The following MLLT1 variants were observed in gnomAD, a reference collection of about 807,000 sequenced individuals.
MLLT1 encodes MLLT1 super elongation complex subunit, also known as protein ENL.
In MLLT1, 11 loss-of-function variants were observed where a neutral mutation model predicts 55.1. The observed-to-expected ratio is 0.20, with a 90% CI of 0.13 to 0.33. The LOEUF (loss-of-function observed/expected upper bound fraction) is 0.33. Ranked by LOEUF, MLLT1 falls within the 10% of genes least tolerant of loss-of-function variation. The probability of loss-of-function intolerance (pLI) is 1.00; values close to 1 mark genes in which losing one functional copy is unlikely to be tolerated. For synonymous variants in MLLT1, 323 were observed against 320.1 expected, an observed-to-expected ratio of 1.01 and a Z score of -0.10; for missense variants, 536 against 760.6, an observed-to-expected ratio of 0.70 and a Z score of 3.47.
intron 3 of MLLT1, chr19:6,259,016 A>ATGGGGTTT (rs2091281297): frequency 6.6e-6 from 1 of 152,134 alleles, no homozygotes; most frequent in Non-Finnish European, 1.5e-5. Context: ...GCAGCCAGAA[A>ATGGGGTTT]CCCCATCTTA....
intron 3 of MLLT1, among the ~76,000 whole-genome samples, chr19:6,242,123 G>A (rs560654746): frequency 6.6e-6 from 1 of 152,204 alleles, no homozygotes; most frequent in Non-Finnish European, 1.5e-5. Flanking sequence ...CAGCCTCCCT[G>A]CCTCAAGACC....
chr19:6,258,125 C>T (rs1267661636), intron 3 of MLLT1, among the ~76,000 whole-genome samples: 2 of 152,150 alleles, frequency 1.3e-5, no homozygotes, highest in African/African-American at 4.8e-5. Context: ...CCTGCAATTC[C>T]ATTCCTAGGT....
intron 10 of MLLT1, 42 bp downstream of exon 10, chr19:6,213,683 AC>A: frequency 5.5e-6 from 2 of 364,934 alleles, no homozygotes; most frequent in Non-Finnish European, 9.8e-6. Context: ...CCCACCACCC[AC>A]CCCTCCGTAG....
intron 7 of MLLT1, 170 bp from the exon 8 acceptor site, chr19:6,216,683 C>A: frequency 1.7e-6 from 1 of 577,134 alleles, no homozygotes; most frequent in Non-Finnish European, 3.1e-6. Context: ...TGCCCCCACA[C>A]CGGCAGCCAC....
intron 3 of MLLT1, among the ~76,000 whole-genome samples, chr19:6,260,994 T>C (rs776035012): frequency 5.9e-5 from 9 of 152,220 alleles, no homozygotes; most frequent in Non-Finnish European, 8.8e-5. Flanking sequence ...GCCTGGGCTG[T>C]GGAGCACCTT....
intron 6 of MLLT1, among the ~76,000 whole-genome samples, chr19:6,221,630 G>C (rs1252270104): frequency 1.3e-5 from 2 of 152,226 alleles, no homozygotes; most frequent in African/African-American, 4.8e-5. Flanking sequence ...GCCGGGCACG[G>C]ACCTGTTGCT....
chr19:6,240,666 G>A lies in MLLT1; in HGVS notation c.277-9953C>T, dbSNP rs938898949. ...TCTCAGATTCAAAAGCGCTGTGGGG[G>A]TGATGTCAGACGCACAGGGAGAGAC... is the stretch of plus-strand genomic sequence containing the variant. On this transcript the variant is annotated intron_variant, in intron 3 of 11. Transcript: ENST00000252674. This position sits in a 1 kb window ranked among gnomAD's most constrained non-coding sequence, Gnocchi z 4.7. Among the ~76,000 whole-genome samples the A allele has an allele frequency of 6.6e-6, 1 of 152,124 alleles. No homozygotes were observed. The highest frequency in any genetic ancestry group is 1.5e-5 in the Non-Finnish European group (1 of 68,014).
chr19:6,252,364 C>T lies in MLLT1; in HGVS notation c.276+9864G>A, dbSNP rs529080464. 7.9e-5 allele frequency among the ~76,000 whole-genome samples: 12 copies of T among 152,300 alleles called. No homozygotes were observed. In the East Asian group the frequency reaches 1.5e-3, roughly 20 times the overall value. On this transcript the variant is annotated intron_variant, in intron 3 of 11. Transcript: ENST00000252674. ...GCAGGTGGCCTGTCACGGGACTTCT[C>T]GGCCTCCACAATCACGTGAGCCTAT...
Position 6,222,412 on chromosome 19 carries a change from T to TGGGGGC in MLLT1, c.813_818dup (p.Pro279_Pro280dup), listed in dbSNP as rs1568277534. 6.5e-5 allele frequency: 13 copies of TGGGGGC among 199,840 alleles called. No homozygotes were observed. The highest frequency in any genetic ancestry group is 9.5e-5 in the Non-Finnish European group (13 of 136,154). The allele number at this position is 199,840 out of a possible 1,614,324, so 12.4% of individuals were successfully genotyped here. ...CCCGGGGTGGGGGTGGGGGTGGGGG[T>TGGGGGC]GGGGGCCCACCCTTGGGGGACGTGC... On this transcript the variant is annotated inframe_insertion, in exon 6 of 12. Coordinates refer to ENST00000252674, the MANE Select transcript of MLLT1 (RefSeq NM_005934.4). This position sits in a 1 kb window ranked among gnomAD's most constrained non-coding sequence, Gnocchi z 4.1.
chr19:6,213,926 GC>G lies in MLLT1; in HGVS notation c.1407+12del. ...CCTCTGGTGCACCCCCTGCCTGCAG[GC>G]CCCAGGCTCACCTTGCTGTTGGGCG... On this transcript the variant is annotated intron_variant, in intron 9 of 11. Transcript: ENST00000252674. 1 of 1,452,340 alleles carries G rather than the reference GC, an allele frequency of 6.9e-7. No homozygotes were observed. The highest frequency in any genetic ancestry group is 9.2e-7 in the Non-Finnish European group (1 of 1,085,044). 90.0% of individuals were successfully genotyped at this position (1,452,340 alleles called of 1,614,324 possible). A position where few individuals can be genotyped will look rare whatever the true frequency, so the allele number is the denominator to read the frequency against.
chr19:6,228,276 C>T (rs570045147), intron 4 of MLLT1, among the ~76,000 whole-genome samples: 13 of 152,340 alleles, frequency 8.5e-5, no homozygotes, highest in African/African-American at 2.4e-4. Context: ...GAGCCCCATT[C>T]GCTCTCAGGC....
chr19:6,246,867 G>A (rs999716693), intron 3 of MLLT1, among the ~76,000 whole-genome samples: 11 of 152,188 alleles, frequency 7.2e-5, no homozygotes, highest in African/African-American at 2.7e-4. Flanking sequence ...CCAGGGAAAG[G>A]GCTGCCACAA....
At position 6,222,069 on chromosome 19, in the gene MLLT1, G is replaced by A; in HGVS notation, c.1110+52C>T. ...CTTCCGCTGTTCCAGAAGGGAGGCGGGTCCCACCACACTGCCTGCACCTGG... is the reference window on the plus strand; with the variant it reads ...CTTCCGCTGTTCCAGAAGGGAGGCGAGTCCCACCACACTGCCTGCACCTGG... On this transcript the variant is annotated intron_variant, in intron 6 of 11. Transcript: ENST00000252674. This position sits in a 1 kb window ranked among gnomAD's most constrained non-coding sequence, Gnocchi z 4.1. The A allele has an allele frequency of 2.2e-6, 3 of 1,394,636 alleles. No individual in the cohort carries two copies. Among genetic ancestry groups the A allele is most frequent in the Non-Finnish European group, 2.8e-6 (3 of 1,057,358 alleles). 86.4% of individuals were successfully genotyped at this position (1,394,636 alleles called of 1,614,324 possible). A position where few individuals can be genotyped will look rare whatever the true frequency, so the allele number is the denominator to read the frequency against.
At position 6,279,963 on chromosome 19, in the gene MLLT1, G is replaced by A. The variant is rs1402958130; in HGVS notation, c.-179C>T. 1.2e-5 allele frequency: 2 copies of A among 161,182 alleles called. No individual in the cohort carries two copies. Among genetic ancestry groups the A allele is most frequent in the Admixed American group, 1.3e-4 (2 of 15,172 alleles). 10.0% of individuals were successfully genotyped at this position (161,182 alleles called of 1,614,324 possible). ...CCCGCGGAACCGGAAACCACCGCCA[G>A]CCCGGGTCGCGCACCGATCACGGGC... On this transcript the variant is annotated 5_prime_UTR_variant, in exon 1 of 12. Transcript: ENST00000252674.
intron 8 of MLLT1, 81 bp downstream of exon 8, chr19:6,216,324 G>A: frequency 1.9e-6 from 2 of 1,044,844 alleles, no homozygotes; most frequent in Non-Finnish European, 2.9e-6. Context: ...AACCCCACCT[G>A]CAGCCCCACA....
intron 3 of MLLT1, among the ~76,000 whole-genome samples, chr19:6,261,208 G>A (rs1176034585): frequency 6.6e-6 from 1 of 152,232 alleles, no homozygotes; most frequent in Non-Finnish European, 1.5e-5. Context: ...TCTTCTCCCA[G>A]CGGGGCCTCA....
rs2091382484 is a variant in MLLT1, at chr19:6,270,043, A to G, written c.193+536T>C. On this transcript the variant is annotated intron_variant, in intron 2 of 11. Coordinates refer to ENST00000252674, the MANE Select transcript of MLLT1 (RefSeq NM_005934.4). This position sits in a 1 kb window ranked among gnomAD's most constrained non-coding sequence, Gnocchi z 7.1. ...TGACTTCCTGCCTGTGCCCCGTCAC[A>G]CTGCACCCTCCAGGAAGGCCAGGGC... Among the ~76,000 whole-genome samples the G allele has an allele frequency of 6.6e-6, 1 of 152,112 alleles. No individual in the cohort carries two copies. The highest frequency in any genetic ancestry group is 1.5e-5 in the Non-Finnish European group (1 of 68,018).
At chr19:6,268,098 A>C (rs1304011245) in intron 2 of MLLT1, among the ~76,000 whole-genome samples, 2 of 152,344 alleles carry the variant, frequency 1.3e-5, no homozygotes, top group East Asian at 3.9e-4. Context: ...AGCAGAAAAC[A>C]AAAAGGCTAA....
At chr19:6,216,591 C>T in intron 7 of MLLT1, 78 bp from the exon 8 acceptor site, 1 of 1,012,758 alleles carries the variant, frequency 9.9e-7, no homozygotes, top group South Asian at 1.5e-5. Context: ...GCCCATGAGG[C>T]CACGCAGAGC....
Sources: allele counts gnomAD v4.1 joint callset (sites outside exome capture counted in the v4.1 genomes callset), GRCh38; gene constraint gnomAD v4.1.1; non-coding constraint Gnocchi (gnomAD v3.1); transcripts MANE v1.5; gene names NCBI Gene and HGNC (gene_info 2026-07-23, HGNC 2026-07-21).